The following FIP1L1 variants were observed in gnomAD, a reference collection of about 807,000 sequenced individuals.
FIP1L1 encodes factor interacting with PAPOLA and CPSF1.
FIP1L1 carries 21 observed loss-of-function variants against 84.6 expected under a neutral mutation model. That is an observed-to-expected ratio of 0.25 (90% CI 0.18 to 0.36). FIP1L1 has a LOEUF of 0.36. FIP1L1 is among the 10% of genes least tolerant of loss of function. The pLI is 1.00. For synonymous variants in FIP1L1, 263 were observed against 242.3 expected, an observed-to-expected ratio of 1.09 and a Z score of -0.80; for missense variants, 526 against 751.1, an observed-to-expected ratio of 0.70 and a Z score of 3.50.
chr4:53,417,659 A>AG (rs1229456387), intron 11 of FIP1L1, among the ~76,000 whole-genome samples: 45 of 150,440 alleles, frequency 3.0e-4, no homozygotes, highest in Admixed American at 4.6e-4. Context: ...AAAAAAAAAA[A>AG]AAAAAAAGAA....
intron 11 of FIP1L1, among the ~76,000 whole-genome samples, chr4:53,420,460 C>T (rs1030449394): frequency 2.7e-5 from 4 of 147,346 alleles, no homozygotes; most frequent in Non-Finnish European, 6.0e-5. Flanking sequence ...ATAAATCAGA[C>T]ACTCAGTGAG....
intron 3 of FIP1L1, among the ~76,000 whole-genome samples, chr4:53,381,587 CTT>C (rs1737905848): frequency 6.6e-6 from 1 of 151,850 alleles, no homozygotes; most frequent in Non-Finnish European, 1.5e-5. Flanking sequence ...TTTCATTTTG[CTT>C]TATTTGGTGA....
At chr4:53,437,789 G>A (rs758249659) in intron 13 of FIP1L1, among the ~76,000 whole-genome samples, 25 of 151,606 alleles carry the variant, frequency 1.6e-4, no homozygotes, top group Admixed American at 5.9e-4. Flanking sequence ...GCAGTGGCGC[G>A]ACCTCGGCTC....
chr4:53,435,299 C>T (rs1008642213), intron 13 of FIP1L1, among the ~76,000 whole-genome samples: 1 of 152,082 alleles, frequency 6.6e-6, no homozygotes, highest in African/African-American at 2.4e-5. Context: ...TGTGCTTTCT[C>T]CTCCAGGATG....
chr4:53,457,218 G>A (rs1719627455), intron 16 of FIP1L1, among the ~76,000 whole-genome samples: 1 of 152,026 alleles, frequency 6.6e-6, no homozygotes, highest in African/African-American at 2.4e-5. Flanking sequence ...GAGGTAATAG[G>A]TAATAGCCTC....
chr4:53,396,894 A>G (rs542053721), intron 9 of FIP1L1, among the ~76,000 whole-genome samples: 7 of 140,462 alleles, frequency 5.0e-5, no homozygotes, highest in Non-Finnish European at 7.6e-5. Context: ...CAAGTGGTCA[A>G]TGCAGTTGAT....
At chr4:53,457,603 G>A (rs149927081) in intron 16 of FIP1L1, among the ~76,000 whole-genome samples, 198 of 152,170 alleles carry the variant, frequency 1.3e-3, no homozygotes, top group African/African-American at 4.5e-3. Flanking sequence ...ACCTGACTAT[G>A]TTAAACCCTG....
Position 53,382,314 on chromosome 4 carries a change from T to C in FIP1L1, c.207T>C (p.Ala69=). 1.2e-6 allele frequency: 2 copies of C among 1,613,740 alleles called. No individual in the cohort carries two copies. The highest frequency in any genetic ancestry group is 2.2e-5 in the South Asian group (2 of 91,062). ...NPPSGIEDET[A]ENGVPKPKVT... is the part of the protein sequence containing the mutation. The stretch of plus-strand genomic sequence containing the variant: ...CATCTGGAATTGAAGATGAAACTGC[T>C]GAAAATGGTGTACCAAAACCGGTAA... Residue 69 remains alanine, a synonymous_variant, in exon 4 of 18, where the codon GCT becomes GCC. Coordinates refer to ENST00000337488, the MANE Select transcript of FIP1L1 (RefSeq NM_030917.4).
At position 53,390,539 on chromosome 4, in the gene FIP1L1, T is replaced by G; in HGVS notation, c.416T>G (p.Val139Gly). ...YGTTGTKVKG[V>G]DLDAPGSING... is the part of the protein sequence containing the mutation. ...AAAACAGGGACAAAAGTCAAAGGAG[T>G]AGACCTTGATGCACCTGGAAGCATT... The change falls in exon 7 of 18, where the codon GTA becomes GGA. Residue 139 changes from valine (V) to glycine (G), a missense_variant. Val to Gly is a moderately radical substitution (Grantham distance 109). Transcript: ENST00000337488. The G allele has an allele frequency of 6.2e-7, 1 of 1,611,620 alleles. No individual in the cohort carries two copies. The highest frequency in any genetic ancestry group is 8.5e-7 in the Non-Finnish European group (1 of 1,178,224).
intron 11 of FIP1L1, among the ~76,000 whole-genome samples, chr4:53,423,589 A>G (rs893305382): frequency 6.6e-6 from 1 of 152,194 alleles, no homozygotes; most frequent in Non-Finnish European, 1.5e-5. Context: ...TGTGGTACAT[A>G]CTGTGTGTCT....
At chr4:53,423,310 G>A (rs1763104466) in intron 11 of FIP1L1, among the ~76,000 whole-genome samples, 1 of 152,146 alleles carries the variant, frequency 6.6e-6, no homozygotes. Context: ...ATATGGAGAA[G>A]AGGATTTTGA....
chr4:53,410,630 G>A (rs796587738), intron 10 of FIP1L1, among the ~76,000 whole-genome samples: 4 of 152,248 alleles, frequency 2.6e-5, no homozygotes, highest in African/African-American at 9.6e-5. Context: ...TAAACAGCAA[G>A]TAATAAGTCA....
intron 12 of FIP1L1, among the ~76,000 whole-genome samples, chr4:53,427,608 C>T (rs529364357): frequency 6.6e-6 from 1 of 152,222 alleles, no homozygotes; most frequent in African/African-American, 2.4e-5. Flanking sequence ...GACCTGCTGC[C>T]ATGTTAATTT....
At chr4:53,399,666 C>A in intron 9 of FIP1L1, 64 bp from the exon 10 acceptor site, 2 of 1,003,668 alleles carry the variant, frequency 2.0e-6, no homozygotes, top group Non-Finnish European at 3.1e-6. Context: ...ATTTTAACAT[C>A]TAAAGTCCAT....
chr4:53,403,552 T>G (rs1751387982), intron 10 of FIP1L1, among the ~76,000 whole-genome samples: 1 of 152,230 alleles, frequency 6.6e-6, no homozygotes, highest in Non-Finnish European at 1.5e-5. Context: ...TTTGACAAAC[T>G]CTTGGAAAGC....
chr4:53,413,159 T>A (rs1254003506), intron 10 of FIP1L1, among the ~76,000 whole-genome samples: 3 of 152,018 alleles, frequency 2.0e-5, no homozygotes, highest in Non-Finnish European at 4.4e-5. Context: ...GTCTCCATCA[T>A]GTTTTTTTTT....
intron 9 of FIP1L1, among the ~76,000 whole-genome samples, chr4:53,392,453 G>A (rs1262821272): frequency 3.3e-5 from 5 of 152,170 alleles, no homozygotes; most frequent in South Asian, 2.1e-4. Flanking sequence ...CCTACTTTGC[G>A]TAAGTATTTG....
chr4:53,418,855 TATATC>T (rs1367728625), intron 11 of FIP1L1, among the ~76,000 whole-genome samples: 1 of 152,216 alleles, frequency 6.6e-6, no homozygotes, highest in Non-Finnish European at 1.5e-5. Flanking sequence ...AAATGAATAT[TATATC>T]TAAGAATGAC....
chr4:53,378,969 A>G, intron 1 of FIP1L1, 104 bp from the exon 2 acceptor site: 1 of 1,157,154 alleles, frequency 8.6e-7, no homozygotes, highest in Non-Finnish European at 1.3e-6. Flanking sequence ...TTACCTCTTA[A>G]ATTTAAGCTT....
Sources: allele counts gnomAD v4.1 joint callset (sites outside exome capture counted in the v4.1 genomes callset), GRCh38; gene constraint gnomAD v4.1.1; transcripts MANE v1.5; gene names NCBI Gene and HGNC (gene_info 2026-07-23, HGNC 2026-07-21).